ANKS1B: variants seen among roughly 807,000 people sequenced by gnomAD.
The protein encoded by ANKS1B is ankyrin repeat and sterile alpha motif domain-containing protein 1B.
Under a neutral mutation model 148.3 loss-of-function variants are expected in ANKS1B, and 36 were observed. The ratio of observed to expected loss-of-function variants is 0.24; its 90% CI spans 0.19 to 0.32. The LOEUF (loss-of-function observed/expected upper bound fraction) is 0.32. ANKS1B is among the 10% of genes least tolerant of loss of function. The probability of loss-of-function intolerance (pLI) is 1.00; values close to 1 mark genes in which losing one functional copy is unlikely to be tolerated. For synonymous variants in ANKS1B, 542 were observed against 560.8 expected (o/e 0.97, Z 0.47); for missense variants, 1,157 against 1,542.6 (o/e 0.75, Z 4.19).
Position 99,246,683 on chromosome 12 carries a change from C to G in ANKS1B, c.1938G>C (p.Leu646Phe). The stretch of plus-strand genomic sequence containing the variant: ...TTTCTATTGGAGACTGCTTGAAAGG[C>G]AAAGGACTGTTTGCCAAACTGACTT... Reference protein sequence around the residue: ...QDEVSLANSPLPFKQSPIENN... With the variant: ...QDEVSLANSPFPFKQSPIENN... The change falls in exon 13 of 27, where the codon TTG (leucine) becomes TTC (phenylalanine). Residue 646 changes from leucine to phenylalanine, a missense_variant. Around this residue, in one of 6 missense-constraint regions of ANKS1B, gnomAD observed 661 missense variants for 642.1 expected, o/e 1.03. Coordinates refer to ENST00000683438, the MANE Select transcript of ANKS1B (RefSeq NM_001352186.2). 1 of 1,613,924 alleles carries G rather than the reference C, an allele frequency of 6.2e-7. No homozygotes were observed. Among genetic ancestry groups the G allele is most frequent in the Non-Finnish European group, 8.5e-7 (1 of 1,179,858 alleles).
chr12:99,419,760 C>T (rs2095027920), intron 11 of ANKS1B, among the ~76,000 whole-genome samples: 1 of 152,128 alleles, frequency 6.6e-6, no homozygotes, highest in African/African-American at 2.4e-5. Flanking sequence ...CCTCAATCTC[C>T]TGGGCTCAAG....
intron 17 of ANKS1B, among the ~76,000 whole-genome samples, chr12:98,928,470 A>G (rs1383515077): frequency 6.6e-6 from 1 of 151,930 alleles, no homozygotes; most frequent in Non-Finnish European, 1.5e-5. Context: ...TGAGACAATG[A>G]CATCACAAGA....
intron 15 of ANKS1B, chr12:99,104,846 GC>G (rs1429128592): frequency 6.6e-6 from 1 of 152,164 alleles, no homozygotes; most frequent in Non-Finnish European, 1.5e-5. Context: ...CACTGGGTTA[GC>G]AGATTTTGCT....
intron 12 of ANKS1B, among the ~76,000 whole-genome samples, chr12:99,316,968 T>C (rs946962483): frequency 2.0e-5 from 3 of 152,318 alleles, no homozygotes; most frequent in Admixed American, 1.3e-4. Flanking sequence ...TTGTGAAAGA[T>C]CAGATGGTTG....
intron 25 of ANKS1B, among the ~76,000 whole-genome samples, chr12:98,753,700 A>G (rs1278667085): frequency 6.6e-6 from 1 of 152,182 alleles, no homozygotes; most frequent in Non-Finnish European, 1.5e-5. Context: ...TGCTGGGATT[A>G]TAGGTGTAAG....
chr12:99,515,711 G>C (rs2096812092), intron 9 of ANKS1B, among the ~76,000 whole-genome samples: 1 of 152,066 alleles, frequency 6.6e-6, no homozygotes, highest in Admixed American at 6.6e-5. Context: ...TGGGATTGCT[G>C]AATTACATGA....
chr12:99,805,337 G>C (rs912042796), intron 4 of ANKS1B, among the ~76,000 whole-genome samples: 16 of 135,692 alleles, frequency 1.2e-4, no homozygotes, highest in Admixed American at 3.1e-4. Flanking sequence ...TCAAAAGTAG[G>C]CTGTGGCCAG....
At chr12:99,980,061 C>T (rs2095676799) in intron 1 of ANKS1B, among the ~76,000 whole-genome samples, 1 of 151,052 alleles carries the variant, frequency 6.6e-6, no homozygotes, top group Admixed American at 6.6e-5. Flanking sequence ...ACAAATACAA[C>T]ATAAAACAAA....
chr12:99,294,988 C>G (rs1378460374), intron 12 of ANKS1B, among the ~76,000 whole-genome samples: 2 of 152,160 alleles, frequency 1.3e-5, no homozygotes, highest in African/African-American at 4.8e-5. Flanking sequence ...ATAATAAATG[C>G]TTGAGGGGAT....
intron 8 of ANKS1B, among the ~76,000 whole-genome samples, chr12:99,665,340 T>C (rs1302160011): frequency 6.6e-6 from 1 of 152,226 alleles, no homozygotes; most frequent in Non-Finnish European, 1.5e-5. Context: ...TATCAAATGG[T>C]ATGTAGAATT....
At chr12:99,761,827 TATAA>T (rs1259179542) in intron 8 of ANKS1B, among the ~76,000 whole-genome samples, 1 of 152,104 alleles carries the variant, frequency 6.6e-6, no homozygotes, top group Admixed American at 6.6e-5. Context: ...TGTTGAAACT[TATAA>T]ATGACTTCAG....
At chr12:99,970,764 A>G (rs1406601376) in intron 1 of ANKS1B, among the ~76,000 whole-genome samples, 4 of 152,142 alleles carry the variant, frequency 2.6e-5, no homozygotes, top group South Asian at 2.1e-4. Context: ...TATTCATCCC[A>G]CAAGATTCAA....
chr12:99,722,887 G>A (rs186996620), intron 8 of ANKS1B, among the ~76,000 whole-genome samples: 5 of 151,966 alleles, frequency 3.3e-5, no homozygotes, highest in Admixed American at 6.5e-5. Context: ...GAAAGGAAGC[G>A]CAGTGGTGCA....
chr12:99,945,931 C>A (rs1204293254), intron 1 of ANKS1B, among the ~76,000 whole-genome samples: 1 of 152,100 alleles, frequency 6.6e-6, no homozygotes, highest in Non-Finnish European at 1.5e-5. Flanking sequence ...GTGTTTGGCT[C>A]CCCGAACCTG....
intron 17 of ANKS1B, among the ~76,000 whole-genome samples, chr12:98,888,203 G>C (rs546743416): frequency 2.0e-5 from 3 of 152,178 alleles, no homozygotes; most frequent in African/African-American, 7.2e-5. Flanking sequence ...TGCCAAGATA[G>C]TAACAGATAT....
chr12:99,346,709 T>G (rs1209550917), intron 12 of ANKS1B, among the ~76,000 whole-genome samples: 2 of 151,924 alleles, frequency 1.3e-5, no homozygotes, highest in Non-Finnish European at 1.5e-5. Flanking sequence ...TTCTGGGATG[T>G]TATTAGATCA....
At chr12:98,781,031 C>G in intron 24 of ANKS1B, 86 bp downstream of exon 24, 1 of 788,544 alleles carries the variant, frequency 1.3e-6, no homozygotes, top group Non-Finnish European at 2.0e-6. Context: ...GTGGGGAGTG[C>G]TGGGTATTAT....
intron 12 of ANKS1B, among the ~76,000 whole-genome samples, chr12:99,252,369 C>A (rs906374269): frequency 1.3e-5 from 2 of 152,124 alleles, no homozygotes; most frequent in South Asian, 2.1e-4. Flanking sequence ...CTGAACATGA[C>A]AACAGCATAG....
chr12:99,761,300 T>C (rs2062089736), intron 8 of ANKS1B, among the ~76,000 whole-genome samples: 1 of 150,952 alleles, frequency 6.6e-6, no homozygotes, highest in Non-Finnish European at 1.5e-5. Context: ...GAGAAGCAAA[T>C]ATCCTCAGCA....
Sources: allele counts gnomAD v4.1 joint callset (sites outside exome capture counted in the v4.1 genomes callset), GRCh38; gene constraint gnomAD v4.1.1; regional missense constraint gnomAD v4.1.1; transcripts MANE v1.5; gene names NCBI Gene and HGNC (gene_info 2026-07-23, HGNC 2026-07-21).